The following NELL1 variants were observed in gnomAD, a reference collection of about 807,000 sequenced individuals.
NELL1 encodes neural EGFL like 1.
NELL1 carries 76 observed loss-of-function variants against 107.4 expected under a neutral mutation model. The observed-to-expected ratio is 0.71, with a 90% CI of 0.59 to 0.86. The LOEUF (loss-of-function observed/expected upper bound fraction) is 0.86, where lower values mean the gene tolerates loss of function less well. NELL1 is among the 40% of genes least tolerant of loss of function. The pLI is 0.00. For missense variants in NELL1, 1,024 were observed against 1,005.5 expected (o/e 1.02, Z -0.25); for synonymous variants, 353 against 341.2 (o/e 1.03, Z -0.38).
At chr11:20,863,980 C>G (rs968757970) in intron 4 of NELL1, among the ~76,000 whole-genome samples, 1 of 150,536 alleles carries the variant, frequency 6.6e-6, no homozygotes, top group Non-Finnish European at 1.5e-5. Context: ...TGGCGGCGCG[C>G]GCCTGCAATC....
intron 2 of NELL1, among the ~76,000 whole-genome samples, chr11:20,737,176 A>G (rs1247415383): frequency 6.6e-6 from 1 of 151,974 alleles, no homozygotes; most frequent in Non-Finnish European, 1.5e-5. Context: ...GAGCTCACAT[A>G]GGCTCTGGAG....
intron 7 of NELL1, among the ~76,000 whole-genome samples, chr11:20,924,719 C>A (rs1850452964): frequency 6.6e-6 from 1 of 152,154 alleles, no homozygotes; most frequent in African/African-American, 2.4e-5. Context: ...GTACACAATT[C>A]TGAGACCCTT....
At chr11:21,048,079 A>C (rs1853400485) in intron 12 of NELL1, among the ~76,000 whole-genome samples, 2 of 151,568 alleles carry the variant, frequency 1.3e-5, no homozygotes, top group South Asian at 4.2e-4. Context: ...TCTGTTTCTG[A>C]CTCTTTTACC....
chr11:21,432,981 G>A (rs904178637), intron 15 of NELL1, among the ~76,000 whole-genome samples: 1 of 152,036 alleles, frequency 6.6e-6, no homozygotes, highest in African/African-American at 2.4e-5. Flanking sequence ...CTGTAACTTT[G>A]CATTCATTAA....
At chr11:21,493,758 G>T (rs978460177) in intron 15 of NELL1, among the ~76,000 whole-genome samples, 1 of 152,036 alleles carries the variant, frequency 6.6e-6, no homozygotes, top group Non-Finnish European at 1.5e-5. Context: ...GACTTGAAAT[G>T]TTACCAACAT....
At chr11:20,796,529 C>A (rs566040168) in intron 3 of NELL1, among the ~76,000 whole-genome samples, 2 of 131,148 alleles carry the variant, frequency 1.5e-5, no homozygotes, top group South Asian at 5.7e-4. Context: ...ATGAAGGGAG[C>A]AAATTGGAGA....
At chr11:21,146,817 G>A (rs1855990909) in intron 13 of NELL1, among the ~76,000 whole-genome samples, 1 of 148,254 alleles carries the variant, frequency 6.7e-6, no homozygotes, top group African/African-American at 2.6e-5. Flanking sequence ...CCAAGGTGGG[G>A]GGGATCATCT....
intron 1 of NELL1, 103 bp from the exon 2 acceptor site, chr11:20,677,829 T>A: frequency 7.4e-7 from 1 of 1,356,450 alleles, no homozygotes; most frequent in Non-Finnish European, 1.0e-6. Flanking sequence ...CAAGCACTCA[T>A]CATTGGCTTC....
chr11:20,815,237 G>C (rs1857598452), intron 3 of NELL1, among the ~76,000 whole-genome samples: 1 of 152,008 alleles, frequency 6.6e-6, no homozygotes, highest in African/African-American at 2.4e-5. Flanking sequence ...GCTAATTTTT[G>C]TATTTTTAGT....
intron 13 of NELL1, among the ~76,000 whole-genome samples, chr11:21,136,212 C>T (rs1418712305): frequency 2.0e-5 from 3 of 151,914 alleles, no homozygotes; most frequent in South Asian, 2.1e-4. Flanking sequence ...AGAGGGAATA[C>T]CAAATGCTAT....
chr11:20,954,888 G>A (rs1162073092), intron 11 of NELL1, among the ~76,000 whole-genome samples: 2 of 152,152 alleles, frequency 1.3e-5, no homozygotes, highest in African/African-American at 4.8e-5. Context: ...AACACTGTTT[G>A]AAGGGCTTTG....
intron 15 of NELL1, among the ~76,000 whole-genome samples, chr11:21,450,175 C>T (rs928462717): frequency 6.6e-6 from 1 of 152,128 alleles, no homozygotes; most frequent in African/African-American, 2.4e-5. Context: ...TTCATTTTTA[C>T]AAAATAAAAT....
chr11:21,491,410 A>G (rs1439752961), intron 15 of NELL1, among the ~76,000 whole-genome samples: 1 of 152,138 alleles, frequency 6.6e-6, no homozygotes, highest in Admixed American at 6.6e-5. Context: ...TCAGCTCTCT[A>G]CATATGGCTA....
intron 17 of NELL1, among the ~76,000 whole-genome samples, chr11:21,565,120 T>C (rs1856939134): frequency 2.6e-5 from 4 of 151,432 alleles, no homozygotes. Context: ...GCCTTGCTCT[T>C]TGAACCCAAC....
intron 5 of NELL1, among the ~76,000 whole-genome samples, chr11:20,888,356 G>C (rs1043726744): frequency 6.6e-6 from 1 of 151,646 alleles, no homozygotes; most frequent in East Asian, 1.9e-4. Context: ...TAAAATGGCT[G>C]TTCTGATGCC....
At chr11:21,362,628 A>G (rs1851103608) in intron 14 of NELL1, among the ~76,000 whole-genome samples, 1 of 152,178 alleles carries the variant, frequency 6.6e-6, no homozygotes, top group South Asian at 2.1e-4. Flanking sequence ...TCCAGCCAAG[A>G]GGTGGTACTT....
chr11:20,683,311 T>C (rs564504597), intron 2 of NELL1, among the ~76,000 whole-genome samples: 3 of 152,236 alleles, frequency 2.0e-5, no homozygotes, highest in African/African-American at 7.2e-5. Flanking sequence ...GTTTCTTTTT[T>C]TCCCCAACTT....
chr11:20,682,105 TG>T (rs1854202969), intron 2 of NELL1, among the ~76,000 whole-genome samples: 1 of 152,076 alleles, frequency 6.6e-6, no homozygotes, highest in South Asian at 2.1e-4. Flanking sequence ...GAATATCTTT[TG>T]GGGCCCATTA....
At chr11:20,949,339 TA>T (rs1851027867) in intron 11 of NELL1, among the ~76,000 whole-genome samples, 1 of 152,226 alleles carries the variant, frequency 6.6e-6, no homozygotes. Context: ...AGTGATAGGC[TA>T]ACTATGACAT....
Sources: gnomAD v4.1 joint callset for allele counts (sites outside exome capture counted in the v4.1 genomes callset) on GRCh38, gnomAD v4.1.1 for gene constraint, MANE v1.5 for transcripts, NCBI Gene and HGNC (gene_info 2026-07-23, HGNC 2026-07-21) for gene names.